The following ARHGAP21 variants were observed in gnomAD, a reference collection of about 807,000 sequenced individuals.
ARHGAP21 encodes rho GTPase-activating protein 21.
ARHGAP21 carries 38 observed loss-of-function variants against 164.6 expected under a neutral mutation model. The ratio of observed to expected loss-of-function variants is 0.23; its 90% CI spans 0.18 to 0.30. The LOEUF (loss-of-function observed/expected upper bound fraction) is 0.30. ARHGAP21 is among the 10% of genes least tolerant of loss of function. ARHGAP21 has a pLI of 1.00. For synonymous variants in ARHGAP21, 766 were observed against 857.9 expected, an observed-to-expected ratio of 0.89 and a Z score of 1.87; for missense variants, 1,822 against 2,370.7, an observed-to-expected ratio of 0.77 and a Z score of 4.81.
intron 2 of ARHGAP21, among the ~76,000 whole-genome samples, chr10:24,670,656 T>C (rs558222587): frequency 1.5e-4 from 23 of 151,604 alleles, no homozygotes; most frequent in Non-Finnish European, 1.9e-4. Flanking sequence ...TCTCAGAAAA[T>C]AGAAATATAA....
intron 4 of ARHGAP21, among the ~76,000 whole-genome samples, chr10:24,664,173 G>A (rs939595395): frequency 2.6e-5 from 4 of 152,280 alleles, no homozygotes; most frequent in African/African-American, 9.6e-5. Context: ...TGTTTTCTTA[G>A]AATAATGTGT....
intron 2 of ARHGAP21, among the ~76,000 whole-genome samples, chr10:24,690,277 G>A (rs1258650689): frequency 6.6e-6 from 1 of 152,054 alleles, no homozygotes; most frequent in Non-Finnish European, 1.5e-5. Context: ...TGGCTCAAAT[G>A]TTTACTTTTT....
chr10:24,595,955 T>G lies in ARHGAP21; in HGVS notation c.3566A>C (p.Asn1189Thr). Residue 1189 changes from asparagine to threonine, a missense_variant, in exon 18 of 26, where the codon AAT becomes ACT. Physicochemically the swap from Asn to Thr is moderately conservative, Grantham distance 65. Coordinates refer to ENST00000396432, the MANE Select transcript of ARHGAP21 (RefSeq NM_020824.4). Reference protein sequence around the residue: ...YTGIYRVPGNNAAISSMQEEL... With the variant: ...YTGIYRVPGNTAAISSMQEEL... Reference sequence around the variant, plus strand: ...TTCTTGCATACTTGAGATGGCTGCATTATTTCCAGGAACTCTATAAATACC... The same window carrying G: ...TTCTTGCATACTTGAGATGGCTGCAGTATTTCCAGGAACTCTATAAATACC... 2 of 1,613,544 alleles carry G rather than the reference T, an allele frequency of 1.2e-6. No individual in the cohort carries two copies. Among genetic ancestry groups the G allele is most frequent in the Non-Finnish European group, 1.7e-6 (2 of 1,179,666 alleles).
In ARHGAP21 at chr10:24,597,806, A is replaced by G. The variant is rs1441419070; in HGVS notation, c.3197+139T>C. 2.7e-6 allele frequency: 3 copies of G among 1,092,790 alleles called. No individual in the cohort carries two copies. In the East Asian group the frequency reaches 7.3e-5, roughly 27 times the overall value. 67.7% of individuals were successfully genotyped at this position (1,092,790 alleles called of 1,614,324 possible). ...ACCCGCCCATTACTATATGGGAAAA[A>G]ATATAGCGTAGAGAGGATTTGGTAC... is the stretch of plus-strand genomic sequence containing the variant. On this transcript the variant is annotated intron_variant, in intron 15 of 25. Transcript: ENST00000396432.
chr10:24,710,750 G>T (rs1844700899), intron 2 of ARHGAP21, among the ~76,000 whole-genome samples: 1 of 152,090 alleles, frequency 6.6e-6, no homozygotes, highest in African/African-American at 2.4e-5. Flanking sequence ...GGGAACAAAA[G>T]GGTCATTATC....
chr10:24,678,185 T>G (rs965410737), intron 2 of ARHGAP21, among the ~76,000 whole-genome samples: 10 of 152,228 alleles, frequency 6.6e-5, no homozygotes, highest in South Asian at 6.2e-4. Context: ...CAACAGTAAC[T>G]TCTTAGAAAA....
intron 24 of ARHGAP21, chr10:24,590,561 A>T: frequency 6.7e-7 from 1 of 1,490,416 alleles, no homozygotes; most frequent in South Asian, 1.3e-5. Flanking sequence ...CTAGAGACAA[A>T]GGGAGAACAT....
At chr10:24,680,516 T>C (rs924573205) in intron 2 of ARHGAP21, among the ~76,000 whole-genome samples, 3 of 152,110 alleles carry the variant, frequency 2.0e-5, no homozygotes, top group African/African-American at 4.8e-5. Flanking sequence ...ACAGAGAAGA[T>C]GGGATGCAGA....
intron 14 of ARHGAP21, among the ~76,000 whole-genome samples, chr10:24,600,116 G>A (rs1398697339): frequency 8.6e-6 from 1 of 116,448 alleles, no homozygotes; most frequent in Admixed American, 1.1e-4. Context: ...CTGGGCAACA[G>A]AGCAGGACTT....
intron 2 of ARHGAP21, among the ~76,000 whole-genome samples, chr10:24,683,311 T>G (rs1461816218): frequency 6.6e-6 from 1 of 152,176 alleles, no homozygotes; most frequent in Non-Finnish European, 1.5e-5. Context: ...ATAAACTAAC[T>G]GTTGACATGA....
intron 2 of ARHGAP21, among the ~76,000 whole-genome samples, chr10:24,698,423 C>A (rs566658677): frequency 6.6e-6 from 1 of 152,092 alleles, no homozygotes; most frequent in African/African-American, 2.4e-5. Flanking sequence ...CTCAAGCAAA[C>A]TGTTTTCCCC....
chr10:24,700,185 T>G (rs1843530273), intron 2 of ARHGAP21, among the ~76,000 whole-genome samples: 1 of 152,242 alleles, frequency 6.6e-6, no homozygotes, highest in Non-Finnish European at 1.5e-5. Context: ...CAGCCATCTG[T>G]GCATTTTGGC....
chr10:24,676,175 A>T (rs1460498672), intron 2 of ARHGAP21, among the ~76,000 whole-genome samples: 1 of 152,210 alleles, frequency 6.6e-6, no homozygotes, highest in Non-Finnish European at 1.5e-5. Flanking sequence ...AACCCTAAAA[A>T]GTAAAAATGA....
chr10:24,717,822 C>T (rs1004957264), intron 2 of ARHGAP21, among the ~76,000 whole-genome samples: 9 of 150,944 alleles, frequency 6.0e-5, no homozygotes, highest in Non-Finnish European at 1.2e-4. Context: ...CTCTGCCTTC[C>T]GGGTTCAAGG....
In ARHGAP21 at chr10:24,720,013, A is replaced by G. The variant is rs184651574; in HGVS notation, c.63+1824T>C. Among the ~76,000 whole-genome samples, 558 of 152,336 alleles carry G rather than the reference A, an allele frequency of 3.7e-3. 4 individuals carry two copies. The highest frequency in any genetic ancestry group is 0.027 in the Middle Eastern group (8 of 294). On this transcript the variant is annotated intron_variant, in intron 2 of 25. Transcript: ENST00000396432. ...GTTTAATACCAAACCTAAATACTGT[A>G]TATATATTTCACATAAGCAAAACAC...
chr10:24,610,704 A>C (rs183846771), intron 9 of ARHGAP21, among the ~76,000 whole-genome samples: 1 of 152,306 alleles, frequency 6.6e-6, no homozygotes, highest in East Asian at 1.9e-4. Flanking sequence ...CTTATCAATT[A>C]ATATTTTAGA....
At chr10:24,664,588 T>C (rs1344899639) in intron 4 of ARHGAP21, among the ~76,000 whole-genome samples, 2 of 151,106 alleles carry the variant, frequency 1.3e-5, no homozygotes, top group Non-Finnish European at 2.9e-5. Context: ...ATAATAATAA[T>C]AACAGTATAG....
At chr10:24,679,632 A>C (rs1003009304) in intron 2 of ARHGAP21, among the ~76,000 whole-genome samples, 1 of 152,082 alleles carries the variant, frequency 6.6e-6, no homozygotes, top group Non-Finnish European at 1.5e-5. Flanking sequence ...TGGTATTGCC[A>C]CTATTGTTTA....
chr10:24,641,830 C>G (rs1004349751), intron 4 of ARHGAP21, among the ~76,000 whole-genome samples: 1 of 151,828 alleles, frequency 6.6e-6, no homozygotes, highest in Non-Finnish European at 1.5e-5. Flanking sequence ...CCTGTCTCTA[C>G]TAAAAACACA....
Sources: allele counts gnomAD v4.1 joint callset (sites outside exome capture counted in the v4.1 genomes callset), GRCh38; gene constraint gnomAD v4.1.1; transcripts MANE v1.5; gene names NCBI Gene and HGNC (gene_info 2026-07-23, HGNC 2026-07-21).